The following GRIN2B variants were observed in gnomAD, a reference collection of about 807,000 sequenced individuals.
The protein encoded by GRIN2B is glutamate receptor ionotropic, NMDA 2B.
In GRIN2B, 5 loss-of-function variants were observed where a neutral mutation model predicts 114.5. The ratio of observed to expected loss-of-function variants is 0.04; its 90% CI spans 0.02 to 0.09. The LOEUF (loss-of-function observed/expected upper bound fraction) is 0.09, where lower values mean the gene tolerates loss of function less well. Ranked by LOEUF, GRIN2B falls within the 10% of genes least tolerant of loss-of-function variation. The pLI is 1.00. For synonymous variants in GRIN2B, 787 were observed against 745.1 expected, an observed-to-expected ratio of 1.06 and a Z score of -0.92; for missense variants, 1,108 against 1,943.5, an observed-to-expected ratio of 0.57 and a Z score of 8.08.
At chr12:13,778,989 C>T (rs1864055797) in intron 3 of GRIN2B, among the ~76,000 whole-genome samples, 3 of 152,286 alleles carry the variant, frequency 2.0e-5, no homozygotes, top group Admixed American at 2.0e-4. Flanking sequence ...TATCCCATAA[C>T]CAGCTTCCTT....
chr12:13,769,678 T>C (rs893316714), intron 3 of GRIN2B, among the ~76,000 whole-genome samples: 5 of 152,252 alleles, frequency 3.3e-5, no homozygotes, highest in Admixed American at 6.5e-5. Flanking sequence ...AGCTGAGTAA[T>C]AGATGCTAAC....
intron 4 of GRIN2B, among the ~76,000 whole-genome samples, chr12:13,747,618 T>G (rs754503375): frequency 6.6e-6 from 1 of 152,236 alleles, no homozygotes; most frequent in Non-Finnish European, 1.5e-5. Context: ...TAGCTTTCCT[T>G]AGACTCTGGT....
At chr12:13,905,331 C>T (rs1866519524) in intron 2 of GRIN2B, among the ~76,000 whole-genome samples, 1 of 152,188 alleles carries the variant, frequency 6.6e-6, no homozygotes, top group African/African-American at 2.4e-5. Context: ...GCTGCTAGAT[C>T]AATCAGATGA....
intron 2 of GRIN2B, among the ~76,000 whole-genome samples, chr12:13,946,108 A>G (rs992212024): frequency 6.6e-6 from 1 of 152,190 alleles, no homozygotes. Flanking sequence ...AAGTTAGTAT[A>G]AATATGTAAA....
At position 13,563,602 on chromosome 12, in the gene GRIN2B, G is replaced by T. The variant is rs748758244; in HGVS notation, c.3636C>A (p.Gly1212=). The change falls in exon 14 of 14, where the codon GGC becomes GGA. Residue 1212 remains glycine, a synonymous_variant. Transcript: ENST00000609686. ...TNVEWEDRSG[G]NFCRSCPSKL... is the part of the protein sequence containing the mutation. The stretch of plus-strand genomic sequence containing the variant: ...TGGAGGGACAGCTGCGGCAGAAGTT[G>T]CCCCCGGACCGGTCCTCCCACTCCA... 5 of 1,614,020 alleles carry T rather than the reference G, an allele frequency of 3.1e-6. No individual in the cohort carries two copies. The South Asian group carries it at 5.5e-5, about 18-fold the overall frequency.
intron 3 of GRIN2B, among the ~76,000 whole-genome samples, chr12:13,765,825 A>G (rs1219440339): frequency 6.6e-6 from 1 of 152,110 alleles, no homozygotes; most frequent in Non-Finnish European, 1.5e-5. Flanking sequence ...ACCTGTGTAG[A>G]TCTGGCTCAG....
intron 2 of GRIN2B, among the ~76,000 whole-genome samples, chr12:13,936,644 C>T (rs1369755243): frequency 2.0e-5 from 3 of 152,044 alleles, no homozygotes; most frequent in South Asian, 2.1e-4. Context: ...ATCCAAAATG[C>T]CCAGTATTTA....
intron 2 of GRIN2B, among the ~76,000 whole-genome samples, chr12:13,894,381 C>T (rs1322206737): frequency 6.6e-6 from 1 of 152,060 alleles, no homozygotes; most frequent in Non-Finnish European, 1.5e-5. Flanking sequence ...AGCTTTATGA[C>T]AGAATGCTAA....
chr12:13,827,783 G>A (rs1309755735), intron 3 of GRIN2B, among the ~76,000 whole-genome samples: 1 of 152,132 alleles, frequency 6.6e-6, no homozygotes, highest in Non-Finnish European at 1.5e-5. Flanking sequence ...CCGGGTTCAA[G>A]CGATTCTCCT....
chr12:13,855,049 G>GAAAAAAAAAAAAAAAA lies in GRIN2B; in HGVS notation c.411+10733_411+10748dup, dbSNP rs3082840. Among the ~76,000 whole-genome samples, 41 of 88,004 alleles carry GAAAAAAAAAAAAAAAA rather than the reference G, an allele frequency of 4.7e-4. 2 individuals carry two copies. The highest frequency in any genetic ancestry group is 6.6e-4 in the Non-Finnish European group (30 of 45,648). The allele number at this position is 88,004 out of a possible 152,430, so 57.7% of individuals were successfully genotyped here. On this transcript the variant is annotated intron_variant, in intron 3 of 13. Coordinates refer to ENST00000609686, the MANE Select transcript of GRIN2B (RefSeq NM_000834.5). ...AACATGGTGAAACCCCATCTCTACT[G>GAAAAAAAAAAAAAAAA]AAAAAAAAAAAAAAAAAAAATTGCC...
intron 2 of GRIN2B, among the ~76,000 whole-genome samples, chr12:13,978,688 C>T (rs984924963): frequency 6.6e-6 from 1 of 151,968 alleles, no homozygotes; most frequent in African/African-American, 2.4e-5. Flanking sequence ...GATCTTTATC[C>T]CAACCTGATC....
chr12:13,970,927 A>G lies in GRIN2B; in HGVS notation c.-19+9001T>C, dbSNP rs1238924272. On this transcript the variant is annotated intron_variant, in intron 2 of 13. Transcript: ENST00000609686. ...ATATTCTCCATTCCCCCTCAAGCTC[A>G]GAAACAATTCTGGAGCCTCTAACAA... 4.1e-4 allele frequency among the ~76,000 whole-genome samples: 63 copies of G among 152,212 alleles called. 1 individual carries two copies. The highest frequency in any genetic ancestry group is 4.1e-3 in the Admixed American group (63 of 15,280).
chr12:13,907,763 C>T (rs1018847408), intron 2 of GRIN2B, among the ~76,000 whole-genome samples: 2 of 137,752 alleles, frequency 1.5e-5, no homozygotes, highest in South Asian at 5.1e-4. Flanking sequence ...GTGAAGTTTG[C>T]TGTGTGTATG....
chr12:13,628,293 G>C (rs1949588622), intron 5 of GRIN2B, among the ~76,000 whole-genome samples: 1 of 152,134 alleles, frequency 6.6e-6, no homozygotes, highest in South Asian at 2.1e-4. Context: ...GAAGGCACCA[G>C]GTTGTTGCAG....
chr12:13,562,224 A>G lies in GRIN2B; in HGVS notation c.*559T>C, dbSNP rs1009759536. The G allele has an allele frequency of 6.5e-6, 1 of 154,070 alleles. No individual in the cohort carries two copies. The highest frequency in any genetic ancestry group is 2.4e-5 in the African/African-American group (1 of 41,438). 9.5% of individuals were successfully genotyped at this position (154,070 alleles called of 1,614,324 possible). A position where few individuals can be genotyped will look rare whatever the true frequency, so the allele number is the denominator to read the frequency against. ...ATTTTTTGGCTTATATATAAACACAAATGGCCTCCCAACCTCTGCTTGGCA... is the reference window on the plus strand; with the variant it reads ...ATTTTTTGGCTTATATATAAACACAGATGGCCTCCCAACCTCTGCTTGGCA... On this transcript the variant is annotated 3_prime_UTR_variant, in exon 14 of 14. Coordinates refer to ENST00000609686, the MANE Select transcript of GRIN2B (RefSeq NM_000834.5).
At chr12:13,637,940 G>A (rs1454881288) in intron 5 of GRIN2B, among the ~76,000 whole-genome samples, 1 of 152,144 alleles carries the variant, frequency 6.6e-6, no homozygotes, top group Non-Finnish European at 1.5e-5. Flanking sequence ...CCAAAATGCT[G>A]TTACTGACCT....
chr12:13,758,759 C>T (rs887064340), intron 3 of GRIN2B, among the ~76,000 whole-genome samples: 89 of 152,206 alleles, frequency 5.8e-4, no homozygotes, highest in Middle Eastern at 3.4e-3. Flanking sequence ...TTCTATCTCC[C>T]CTTTGCTTTT....
chr12:13,883,472 CTTTT>C (rs1866100060), intron 2 of GRIN2B, among the ~76,000 whole-genome samples: 1 of 151,786 alleles, frequency 6.6e-6, no homozygotes, highest in Admixed American at 6.6e-5. Context: ...GTCCTTCTTT[CTTTT>C]TGTTAAATTT....
intron 4 of GRIN2B, among the ~76,000 whole-genome samples, chr12:13,717,988 C>T (rs899957476): frequency 6.6e-6 from 1 of 152,012 alleles, no homozygotes; most frequent in Non-Finnish European, 1.5e-5. Flanking sequence ...TAATGTCTTT[C>T]CTCTTCGTTC....
Sources: gnomAD v4.1 joint callset for allele counts (sites outside exome capture counted in the v4.1 genomes callset) on GRCh38, gnomAD v4.1.1 for gene constraint, MANE v1.5 for transcripts, NCBI Gene and HGNC (gene_info 2026-07-23, HGNC 2026-07-21) for gene names.